The following GALK2 variants were observed in gnomAD, a reference collection of about 807,000 sequenced individuals.
GALK2 encodes galactokinase 2, also known as N-acetylgalactosamine kinase.
In GALK2, 36 loss-of-function variants were observed where a neutral mutation model predicts 52.4. The observed-to-expected ratio is 0.69, with a 90% CI of 0.53 to 0.91. The LOEUF is 0.91. Among genes scored for constraint, GALK2 ranks in the 40% least tolerant of loss-of-function variants. GALK2 has a pLI of 0.00. For synonymous variants in GALK2, 176 were observed against 199.1 expected, an observed-to-expected ratio of 0.88 and a Z score of 0.98; for missense variants, 579 against 559.1, an observed-to-expected ratio of 1.04 and a Z score of -0.36.
intron 3 of GALK2, among the ~76,000 whole-genome samples, chr15:49,352,915 C>A (rs1188543739): frequency 6.6e-6 from 1 of 152,196 alleles, no homozygotes; most frequent in Non-Finnish European, 1.5e-5. Context: ...CTCTGTTACA[C>A]TGGTGTTCTG....
At chr15:49,302,902 A>G (rs191305916) in intron 8 of GALK2, among the ~76,000 whole-genome samples, 20 of 152,344 alleles carry the variant, frequency 1.3e-4, no homozygotes, top group Admixed American at 6.5e-4. Flanking sequence ...GAGAAAAATA[A>G]TAGACTGTTG....
intron 2 of GALK2, among the ~76,000 whole-genome samples, chr15:49,205,075 C>T (rs2088156002): frequency 6.6e-6 from 1 of 152,166 alleles, no homozygotes; most frequent in South Asian, 2.1e-4. Context: ...ATATATACCA[C>T]AGTTTCTTTA....
intron 2 of GALK2, among the ~76,000 whole-genome samples, chr15:49,210,956 G>GTC (rs1555405120): frequency 5.4e-4 from 47 of 87,556 alleles, no homozygotes; most frequent in South Asian, 2.7e-3. Context: ...AATGTTGGCT[G>GTC]TCACACACAC....
chr15:49,220,799 T>G (rs917737934), intron 3 of GALK2, among the ~76,000 whole-genome samples: 1 of 152,236 alleles, frequency 6.6e-6, no homozygotes, highest in African/African-American at 2.4e-5. Flanking sequence ...TGATGTCTCA[T>G]TGTGGTTTTG....
chr15:49,342,665 A>G (rs925642543), intron 3 of GALK2, among the ~76,000 whole-genome samples: 1 of 152,154 alleles, frequency 6.6e-6, no homozygotes, highest in Non-Finnish European at 1.5e-5. Flanking sequence ...GGTAGAAGGT[A>G]TCCTCCTTTG....
intron 7 of GALK2, among the ~76,000 whole-genome samples, chr15:49,290,043 C>T (rs1323016069): frequency 6.6e-6 from 1 of 152,112 alleles, no homozygotes; most frequent in Non-Finnish European, 1.5e-5. Context: ...ATTTCCCCAC[C>T]CTACTACTGA....
At chr15:49,199,682 C>T (rs1320911392) in intron 1 of GALK2, among the ~76,000 whole-genome samples, 2 of 152,246 alleles carry the variant, frequency 1.3e-5, no homozygotes, top group African/African-American at 4.8e-5. Context: ...CGAAAGGACA[C>T]AGAAACGTAA....
intron 1 of GALK2, chr15:49,159,068 C>T (rs2084553800): frequency 6.6e-6 from 1 of 152,150 alleles, no homozygotes; most frequent in African/African-American, 2.4e-5. Flanking sequence ...CCCACCTCAA[C>T]CTTCCAAAGC....
Position 49,194,625 on chromosome 15 carries a change from C to T in GALK2, c.54-6537C>T, listed in dbSNP as rs1337777437. On this transcript the variant is annotated intron_variant, in intron 1 of 9. Coordinates refer to ENST00000560031, the MANE Select transcript of GALK2 (RefSeq NM_002044.4). ...TTTTTTTTTTTTTGAGATGGAGTTT[C>T]ACTGTTATTGCCTGGGCTGGAGTGC... is the stretch of plus-strand genomic sequence containing the variant. Among the ~76,000 whole-genome samples, 9 of 138,392 alleles carry T rather than the reference C, an allele frequency of 6.5e-5. 1 individual carries two copies. Among genetic ancestry groups the T allele is most frequent in the African/African-American group, 2.4e-4 (9 of 36,970 alleles). The allele number at this position is 138,392 out of a possible 152,430, so 90.8% of individuals were successfully genotyped here.
At position 49,282,061 on chromosome 15, in the gene GALK2, A is replaced by C. The variant is rs577447875; in HGVS notation, c.579A>C (p.Ile193=). The C allele has an allele frequency of 2.0e-5, 33 of 1,613,342 alleles. No homozygotes were observed. The highest frequency in any genetic ancestry group is 2.7e-5 in the Non-Finnish European group (32 of 1,179,398). ...GTEGGGMDQS[I]SFLAEEGTAK... is the part of the protein sequence containing the mutation. Reference sequence around the variant, plus strand: ...AAGGAGGAGGCATGGACCAGTCTATATCATTTCTTGCAGAAGAAGGAACTG... The same window carrying C: ...AAGGAGGAGGCATGGACCAGTCTATCTCATTTCTTGCAGAAGAAGGAACTG... The change falls in exon 6 of 10, where the codon ATA becomes ATC. Residue 193 remains isoleucine, a synonymous_variant. Coordinates refer to ENST00000560031, the MANE Select transcript of GALK2 (RefSeq NM_002044.4).
intron 3 of GALK2, chr15:49,366,000 GACTACAAATATT>G (rs942337105): frequency 5.0e-6 from 4 of 806,926 alleles, no homozygotes; most frequent in Non-Finnish European, 9.0e-6. Context: ...CACAGTAGAT[GACTACAAATATT>G]ACAACTGTAA....
intron 3 of GALK2, chr15:49,353,781 T>G (rs546552415): frequency 6.8e-6 from 1 of 146,888 alleles, no homozygotes; most frequent in Admixed American, 6.8e-5. Flanking sequence ...CTGGATTAGT[T>G]GTTTTTTTCA....
intron 5 of GALK2, among the ~76,000 whole-genome samples, chr15:49,267,723 G>A (rs567429908): frequency 1.3e-5 from 2 of 152,018 alleles, no homozygotes; most frequent in Admixed American, 1.3e-4. Flanking sequence ...TGTTTTGATA[G>A]TTATTGGCAT....
chr15:49,181,884 T>A (rs1169498643), intron 1 of GALK2, among the ~76,000 whole-genome samples: 1 of 152,064 alleles, frequency 6.6e-6, no homozygotes, highest in Non-Finnish European at 1.5e-5. Context: ...TAGATGTATA[T>A]ATTTATGGGG....
intron 5 of GALK2, among the ~76,000 whole-genome samples, chr15:49,258,412 G>T (rs1027790228): frequency 4.6e-5 from 7 of 152,040 alleles, no homozygotes; most frequent in African/African-American, 1.7e-4. Context: ...TGGGATAAGG[G>T]CATTCCAGAC....
intron 5 of GALK2, 143 bp from the exon 6 acceptor site, chr15:49,281,844 T>A (rs1186671650): frequency 3.5e-6 from 2 of 572,506 alleles, no homozygotes; most frequent in Admixed American, 3.2e-5. Context: ...GGAGCCCTTT[T>A]TAATGCAGTG....
intron 3 of GALK2, among the ~76,000 whole-genome samples, chr15:49,338,646 G>C (rs547313517): frequency 6.6e-5 from 10 of 152,102 alleles, no homozygotes; most frequent in Non-Finnish European, 1.2e-4. Context: ...GGTGTTCTCT[G>C]TATTTCCTGA....
chr15:49,332,808 TTCTTCAGCAGTTAGACTAG>T (rs1290506425), downstream of GALK2, among the ~76,000 whole-genome samples: 5 of 152,174 alleles, frequency 3.3e-5, no homozygotes, highest in African/African-American at 1.2e-4. Context: ...TAGCCAAGGT[TTCTTCAGCAGTTAGACTAG>T]TGCACCCCTG....
intron 3 of GALK2, among the ~76,000 whole-genome samples, chr15:49,219,235 A>T (rs565451144): frequency 6.6e-6 from 1 of 152,282 alleles, no homozygotes; most frequent in East Asian, 1.9e-4. Context: ...GAGGTAATTG[A>T]ATCATGGGGG....
Sources: gnomAD v4.1 joint callset for allele counts (sites outside exome capture counted in the v4.1 genomes callset) on GRCh38, gnomAD v4.1.1 for gene constraint, MANE v1.5 for transcripts, NCBI Gene and HGNC (gene_info 2026-07-23, HGNC 2026-07-21) for gene names.